The following SIPA1L1 variants were observed in gnomAD, a reference collection of about 807,000 sequenced individuals.
The protein encoded by SIPA1L1 is signal-induced proliferation-associated 1-like protein 1.
In SIPA1L1, 26 loss-of-function variants were observed where a neutral mutation model predicts 162.7. The ratio of observed to expected loss-of-function variants is 0.16; its 90% confidence interval spans 0.12 to 0.22. The LOEUF is 0.22. Ranked by LOEUF, SIPA1L1 falls within the 10% of genes least tolerant of loss-of-function variation. SIPA1L1 has a pLI of 1.00. For synonymous variants in SIPA1L1, 829 were observed against 837.4 expected (o/e 0.99, Z 0.17); for missense variants, 1,874 against 2,241.0 (o/e 0.84, Z 3.31).
intron 4 of SIPA1L1, among the ~76,000 whole-genome samples, chr14:71,542,268 TTCTTCC>T (rs147978297): frequency 0.035 from 5,244 of 148,738 alleles, 151 homozygotes; most frequent in African/African-American, 0.065. Flanking sequence ...CTTCTTCTTC[TTCTTCC>T]TCTTCCTCTC....
chr14:71,538,771 C>T (rs2054121722), intron 4 of SIPA1L1, among the ~76,000 whole-genome samples: 1 of 151,880 alleles, frequency 6.6e-6, no homozygotes, highest in Non-Finnish European at 1.5e-5. Context: ...TTGCTGGATA[C>T]AAGACGGCAA....
At chr14:71,358,561 CTG>C (rs1395784351) in intron 2 of SIPA1L1, among the ~76,000 whole-genome samples, 1 of 152,246 alleles carries the variant, frequency 6.6e-6, no homozygotes, top group African/African-American at 2.4e-5. Context: ...CTGTTTAAGA[CTG>C]AGCCCACCTG....
At chr14:71,367,982 G>A (rs1169154873) in intron 2 of SIPA1L1, among the ~76,000 whole-genome samples, 1 of 149,986 alleles carries the variant, frequency 6.7e-6, no homozygotes, top group Admixed American at 6.6e-5. Context: ...GGCATTGGGG[G>A]TTAAGTAGTA....
chr14:71,660,636 T>C (rs374566952), intron 9 of SIPA1L1, among the ~76,000 whole-genome samples: 1 of 152,224 alleles, frequency 6.6e-6, no homozygotes, highest in East Asian at 1.9e-4. Context: ...TGTTTGGTTT[T>C]CCTTTACACT....
chr14:71,537,349 TGCCACCAGGCCCG>T (rs2053991245), intron 4 of SIPA1L1, among the ~76,000 whole-genome samples: 1 of 152,044 alleles, frequency 6.6e-6, no homozygotes, highest in Admixed American at 6.6e-5. Context: ...TACAGGCGTG[TGCCACCAGGCCCG>T]GCTAATTTTT....
At chr14:71,687,675 G>C (rs2080969182) in intron 13 of SIPA1L1, among the ~76,000 whole-genome samples, 1 of 152,182 alleles carries the variant, frequency 6.6e-6, no homozygotes, top group African/African-American at 2.4e-5. Flanking sequence ...TTCAGTGCTA[G>C]AGAATGCAGA....
chr14:71,539,491 A>C (rs1440460753), intron 4 of SIPA1L1, among the ~76,000 whole-genome samples: 1 of 152,214 alleles, frequency 6.6e-6, no homozygotes, highest in Non-Finnish European at 1.5e-5. Context: ...CTGGTATTTC[A>C]TAATATTTAG....
At chr14:71,662,237 G>C (rs2043591682) in intron 10 of SIPA1L1, among the ~76,000 whole-genome samples, 1 of 152,164 alleles carries the variant, frequency 6.6e-6, no homozygotes, top group Admixed American at 6.5e-5. Flanking sequence ...TTGACAGTTT[G>C]TGAGATCCAC....
intron 2 of SIPA1L1, among the ~76,000 whole-genome samples, chr14:71,393,784 G>T (rs1197386484): frequency 6.6e-6 from 1 of 152,138 alleles, no homozygotes; most frequent in African/African-American, 2.4e-5. Flanking sequence ...TCATGCTACT[G>T]CATTTAAGCC....
At chr14:71,624,315 T>G (rs2039746308) in intron 7 of SIPA1L1, 79 bp downstream of exon 7, 1 of 1,210,788 alleles carries the variant, frequency 8.3e-7, no homozygotes, top group Non-Finnish European at 1.1e-6. Context: ...TAATGTTTCT[T>G]GTTTTGATGG....
At chr14:71,337,312 C>A (rs931320472) in intron 2 of SIPA1L1, among the ~76,000 whole-genome samples, 2 of 152,086 alleles carry the variant, frequency 1.3e-5, no homozygotes, top group African/African-American at 4.8e-5. Flanking sequence ...AGGCCAGGTG[C>A]GGTGGTTCAC....
rs570712270 is a variant in SIPA1L1, at chr14:71,333,354, AT to A, written c.-465+12176del. ...CCATTACTGTGATAATTAAGCAGGTATTTGCTCATGCTGCCAAAAAAGTAAT... is the reference window on the plus strand; with the variant it reads ...CCATTACTGTGATAATTAAGCAGGTATTGCTCATGCTGCCAAAAAAGTAAT... On this transcript the variant is annotated intron_variant, in intron 2 of 23. Transcript: ENST00000381232. Among the ~76,000 whole-genome samples the A allele has an allele frequency of 1.1e-3, 162 of 152,296 alleles. 1 individual carries two copies. Among genetic ancestry groups the A allele is most frequent in the African/African-American group, 3.7e-3 (154 of 41,560 alleles).
intron 2 of SIPA1L1, among the ~76,000 whole-genome samples, chr14:71,342,208 T>C (rs1271194645): frequency 6.6e-6 from 1 of 152,194 alleles, no homozygotes; most frequent in Non-Finnish European, 1.5e-5. Flanking sequence ...TTTGCCTTGT[T>C]GCCCAGGCTG....
At chr14:71,486,707 T>C (rs542083653) in intron 2 of SIPA1L1, among the ~76,000 whole-genome samples, 31 of 152,196 alleles carry the variant, frequency 2.0e-4, no homozygotes, top group Non-Finnish European at 3.5e-4. Context: ...TAAGAGTATT[T>C]TAAAGAAATA....
intron 2 of SIPA1L1, among the ~76,000 whole-genome samples, chr14:71,381,587 G>T (rs1183471019): frequency 1.3e-5 from 2 of 152,084 alleles, no homozygotes; most frequent in East Asian, 3.8e-4. Flanking sequence ...TGAAAAATCG[G>T]GTGGATTCTT....
In SIPA1L1 at chr14:71,723,760, C is replaced by T; in HGVS notation, c.4322C>T (p.Ser1441Phe). 2 of 1,614,216 alleles carry T rather than the reference C, an allele frequency of 1.2e-6. No individual in the cohort carries two copies. Among genetic ancestry groups the T allele is most frequent in the Non-Finnish European group, 1.7e-6 (2 of 1,180,038 alleles). The change falls in exon 18 of 24, where the codon TCC (serine) becomes TTC (phenylalanine). Residue 1441 changes from serine to phenylalanine, a missense_variant. By Grantham distance (155) the Ser-to-Phe change is radical. Around this residue, in one of 5 missense-constraint regions of SIPA1L1, gnomAD observed 936 missense variants for 1,051.9 expected, o/e 0.89. Coordinates refer to ENST00000381232, the MANE Select transcript of SIPA1L1 (RefSeq NM_001386936.1). ...APSQLAPSFS[S>F]SSSSSSGPRS... ...TCACAGCTCGCACCATCCTTCTCCT[C>T]CTCTTCCTCCTCCTCCTCTGGTCCT...
At chr14:71,530,658 C>T (rs950766208) in intron 4 of SIPA1L1, among the ~76,000 whole-genome samples, 17 of 152,144 alleles carry the variant, frequency 1.1e-4, no homozygotes, top group African/African-American at 3.9e-4. Context: ...ATAGAGAAAT[C>T]GAATGTTTAC....
At chr14:71,712,941 T>A (rs2082984802) in intron 17 of SIPA1L1, among the ~76,000 whole-genome samples, 1 of 152,210 alleles carries the variant, frequency 6.6e-6, no homozygotes, top group African/African-American at 2.4e-5. Flanking sequence ...TATACCTTTT[T>A]ACTGCCATCT....
intron 2 of SIPA1L1, among the ~76,000 whole-genome samples, chr14:71,328,025 G>T (rs990811131): frequency 6.6e-6 from 1 of 152,116 alleles, no homozygotes; most frequent in Admixed American, 6.5e-5. Flanking sequence ...AGAAATGCCT[G>T]TGATTCTTCA....
Sources: allele counts gnomAD v4.1 joint callset (sites outside exome capture counted in the v4.1 genomes callset), GRCh38; gene constraint gnomAD v4.1.1; regional missense constraint gnomAD v4.1.1; transcripts MANE v1.5; gene names NCBI Gene and HGNC (gene_info 2026-07-23, HGNC 2026-07-21).